The following DDX21 variants were observed in gnomAD, a reference collection of about 807,000 sequenced individuals.
DDX21 encodes nucleolar RNA helicase 2.
DDX21 carries 18 observed loss-of-function variants against 90.0 expected under a neutral mutation model. The ratio of observed to expected loss-of-function variants is 0.20; its 90% CI spans 0.14 to 0.30. DDX21 has a LOEUF of 0.30. Ranked by LOEUF, DDX21 falls within the 10% of genes least tolerant of loss-of-function variation. The probability of loss-of-function intolerance (pLI) is 1.00; values close to 1 mark genes in which losing one functional copy is unlikely to be tolerated. For synonymous variants in DDX21, 294 were observed against 318.0 expected (o/e 0.92, Z 0.80); for missense variants, 673 against 944.5 (o/e 0.71, Z 3.77).
intron 13 of DDX21, among the ~76,000 whole-genome samples, chr10:68,981,044 G>C (rs1843182389): frequency 6.6e-6 from 1 of 152,092 alleles, no homozygotes; most frequent in Non-Finnish European, 1.5e-5. Flanking sequence ...ATCAACAATA[G>C]AAGATCACTT....
rs1843245801 is a variant in DDX21, at chr10:68,984,902, G to A, written c.*2090G>A. On this transcript the variant is annotated 3_prime_UTR_variant, in exon 15 of 15. Transcript: ENST00000354185. ...TAAATGAACTTGTTGGGTTAGCTTGGTAAATGTTATAATTTTTACTATTTT... is the reference window on the plus strand; with the variant it reads ...TAAATGAACTTGTTGGGTTAGCTTGATAAATGTTATAATTTTTACTATTTT... 2 of 152,044 alleles carry A rather than the reference G, an allele frequency of 1.3e-5. No individual in the cohort carries two copies. Among genetic ancestry groups the A allele is most frequent in the Admixed American group, 1.3e-4 (2 of 15,272 alleles). 9.4% of individuals were successfully genotyped at this position (152,044 alleles called of 1,614,324 possible). A position where few individuals can be genotyped will look rare whatever the true frequency, so the allele number is the denominator to read the frequency against.
chr10:68,956,841 G>A, intron 1 of DDX21: 12 of 793,586 alleles, frequency 1.5e-5, no homozygotes, highest in Non-Finnish European at 1.8e-5. Flanking sequence ...AGGAGTTCGA[G>A]ACCAGCCTGG....
At chr10:68,966,139 A>G (rs1313805565) in intron 5 of DDX21, among the ~76,000 whole-genome samples, 1 of 151,548 alleles carries the variant, frequency 6.6e-6, no homozygotes, top group Non-Finnish European at 1.5e-5. Context: ...TACTAAAAAT[A>G]CAAAAAATTA....
Position 68,963,375 on chromosome 10 carries a change from G to A in DDX21, c.692G>A (p.Arg231Gln), listed in dbSNP as rs1189639281. The change falls in exon 4 of 15, where the codon CGG becomes CAG. Residue 231 changes from arginine (R) to glutamine (Q), a missense_variant. This residue lies in a region of DDX21 where 218 missense variants were observed against 347.3 expected (regional missense o/e 0.63). Transcript: ENST00000354185. Reference sequence around the variant, plus strand: ...GGGAAGGACTTAATTGCACAGGCACGGACAGGAACTGGGAAGACATTCTCC... The same window carrying A: ...GGGAAGGACTTAATTGCACAGGCACAGACAGGAACTGGGAAGACATTCTCC... ...YSGKDLIAQA[R>Q]TGTGKTFSFA... The A allele has an allele frequency of 3.1e-6, 5 of 1,614,056 alleles. No homozygotes were observed. The highest frequency in any genetic ancestry group is 2.2e-5 in the East Asian group (1 of 44,876).
chr10:68,974,796 A>G (rs1843072262), intron 11 of DDX21, 53 bp downstream of exon 11: 8 of 1,490,970 alleles, frequency 5.4e-6, no homozygotes, highest in Admixed American at 3.6e-5. Context: ...CAAATACTGC[A>G]TGTCTTTGTA....
At position 68,981,546 on chromosome 10, in the gene DDX21, T is replaced by C; in HGVS notation, c.2047T>C (p.Phe683Leu). 6.2e-7 allele frequency: 1 copy of C among 1,613,416 alleles called. No homozygotes were observed. The highest frequency in any genetic ancestry group is 8.5e-7 in the Non-Finnish European group (1 of 1,179,768). Residue 683 changes from phenylalanine (F) to leucine (L), a missense_variant, in exon 14 of 15, where the codon TTT becomes CTT. Physicochemically the swap from Phe to Leu is conservative, Grantham distance 22. Coordinates refer to ENST00000354185, the MANE Select transcript of DDX21 (RefSeq NM_004728.4). ...TTGCTTTGATTTCTAGGGTGTTTGC[T>C]TTGATGTACCTACCGCATCAGTAAC... ...VFLKGKLGVC[F>L]DVPTASVTEI...
intron 5 of DDX21, among the ~76,000 whole-genome samples, 154 bp from the exon 6 acceptor site, chr10:68,966,864 C>T (rs1376289265): frequency 6.6e-6 from 1 of 152,000 alleles, no homozygotes; most frequent in Non-Finnish European, 1.5e-5. Context: ...TTAGGAGTGC[C>T]ATGAGTATCT....
chr10:68,963,263 T>G, intron 3 of DDX21, 28 bp from the exon 4 acceptor site: 6 of 1,578,974 alleles, frequency 3.8e-6, no homozygotes, highest in East Asian at 2.2e-5. Context: ...AATTGCAGTG[T>G]GAGATAACAC....
Position 68,963,485 on chromosome 10 carries a change from ACAAG to A in DDX21, c.786+17_786+20del, listed in dbSNP as rs1419173933. On this transcript the variant is annotated intron_variant, in intron 4 of 14. Transcript: ENST00000354185. Reference sequence around the variant, plus strand: ...TGCCCCTCAGGTAACTGTCTTAAATACAAGGGCTCTCAGTCAGCATAGGAAAAAC... The same window carrying A: ...TGCCCCTCAGGTAACTGTCTTAAATAGGCTCTCAGTCAGCATAGGAAAAAC... The A allele has an allele frequency of 6.3e-7, 1 of 1,595,480 alleles. No individual in the cohort carries two copies. Among genetic ancestry groups the A allele is most frequent in the Non-Finnish European group, 8.5e-7 (1 of 1,172,020 alleles).
chr10:68,957,139 A>C (rs1180632063), intron 1 of DDX21, among the ~76,000 whole-genome samples: 3 of 152,006 alleles, frequency 2.0e-5, no homozygotes, highest in Non-Finnish European at 2.9e-5. Context: ...GACTTTTTAA[A>C]CTCTCGTAAG....
Position 68,957,605 on chromosome 10 carries a change from A to G in DDX21, c.87+1293A>G, listed in dbSNP as rs184133615. Among the ~76,000 whole-genome samples, 35 of 152,298 alleles carry G rather than the reference A, an allele frequency of 2.3e-4. 1 individual carries two copies. The highest frequency in any genetic ancestry group is 9.2e-4 in the Admixed American group (14 of 15,294). On this transcript the variant is annotated intron_variant, in intron 1 of 14. Transcript: ENST00000354185. ...GTCCTGGTTTACATTGCATCAGTCA[A>G]TTGCGTTCAATTTGGCATGCTCAAA...
At chr10:68,965,560 C>CT in intron 5 of DDX21, 66 bp downstream of exon 5, 1 of 1,198,174 alleles carries the variant, frequency 8.3e-7, no homozygotes, top group South Asian at 1.2e-5. Context: ...GATTGGATTT[C>CT]TTTTCACCTT....
At position 68,983,122 on chromosome 10, in the gene DDX21, AGTTCACCT is replaced by A. The variant is rs1162876448; in HGVS notation, c.*313_*320del. The A allele has an allele frequency of 5.8e-6, 2 of 343,378 alleles. No individual in the cohort carries two copies. Among genetic ancestry groups the A allele is most frequent in the Admixed American group, 8.3e-5 (2 of 24,200 alleles). The allele number at this position is 343,378 out of a possible 1,614,324, so 21.3% of individuals were successfully genotyped here. Reference sequence around the variant, plus strand: ...AGCATGTATCTGCCTATACTTTGTGAGTTCACCTGTCTTTATACTCAAAAGTGTCCCTT... The same window carrying A: ...AGCATGTATCTGCCTATACTTTGTGAGTCTTTATACTCAAAAGTGTCCCTT... On this transcript the variant is annotated 3_prime_UTR_variant, in exon 15 of 15. Transcript: ENST00000354185.
intron 6 of DDX21, 92 bp from the exon 7 acceptor site, chr10:68,968,884 T>A: frequency 6.9e-7 from 1 of 1,457,162 alleles, no homozygotes; most frequent in Non-Finnish European, 9.3e-7. Context: ...CTGGTGAACA[T>A]TGATGGACTG....
chr10:68,957,658 A>G (rs1047779474), intron 1 of DDX21, among the ~76,000 whole-genome samples: 3 of 152,218 alleles, frequency 2.0e-5, no homozygotes, highest in African/African-American at 4.8e-5. Context: ...AAACTCTGTT[A>G]TATTCCAAAA....
intron 4 of DDX21, chr10:68,964,074 G>A (rs1236279122): frequency 2.6e-6 from 1 of 384,184 alleles, no homozygotes; most frequent in Non-Finnish European, 5.1e-6. Flanking sequence ...ACTCCAGCCT[G>A]GGCGATAGAG....
At chr10:68,963,867 G>A (rs1046456680) in intron 4 of DDX21, among the ~76,000 whole-genome samples, 7 of 151,968 alleles carry the variant, frequency 4.6e-5, no homozygotes, top group Admixed American at 1.3e-4. Flanking sequence ...TTGGGAGCCC[G>A]AGGTGGGCGG....
rs772020550 is a variant in DDX21, at chr10:68,969,076, G to A, written c.1191G>A (p.Val397=). The change falls in exon 7 of 15, where the codon GTG becomes GTA. Residue 397 remains valine (V), a synonymous_variant. Coordinates refer to ENST00000354185, the MANE Select transcript of DDX21 (RefSeq NM_004728.4). ...KKYMKSTYEQ[V]DLIGKKTQKT... is the part of the protein sequence containing the mutation. ...ACATGAAATCTACATATGAACAGGT[G>A]GACCTGATTGGTAAAAAGACTCAGA... 6.2e-7 allele frequency: 1 copy of A among 1,613,534 alleles called. No homozygotes were observed. The highest frequency in any genetic ancestry group is 8.5e-7 in the Non-Finnish European group (1 of 1,179,880).
In DDX21 at chr10:68,982,827, T is replaced by TTTA; in HGVS notation, c.*17_*19dup. On this transcript the variant is annotated 3_prime_UTR_variant, in exon 15 of 15. Coordinates refer to ENST00000354185, the MANE Select transcript of DDX21 (RefSeq NM_004728.4). ...TTGGTCAATAATTAGAAATAGAAGA[T>TTTA]TTATATAGCAAAAAGAGAATGATGT... The TTTA allele has an allele frequency of 6.2e-7, 1 of 1,611,858 alleles. No individual in the cohort carries two copies.
Sources: allele counts gnomAD v4.1 joint callset (sites outside exome capture counted in the v4.1 genomes callset), GRCh38; gene constraint gnomAD v4.1.1; regional missense constraint gnomAD v4.1.1; transcripts MANE v1.5; gene names NCBI Gene and HGNC (gene_info 2026-07-23, HGNC 2026-07-21).